CEP112: variants seen among roughly 807,000 people sequenced by gnomAD.
CEP112 encodes centrosomal protein 112, also known as centrosomal protein of 112 kDa.
In CEP112, 127 loss-of-function variants were observed where a neutral mutation model predicts 153.0. The observed-to-expected ratio is 0.83, with a 90% CI of 0.72 to 0.96. The LOEUF (loss-of-function observed/expected upper bound fraction) is 0.96, where lower values mean the gene tolerates loss of function less well. Among genes scored for constraint, CEP112 ranks in the 40% least tolerant of loss-of-function variants. The pLI is 0.00. For synonymous variants in CEP112, 358 were observed against 374.4 expected, an observed-to-expected ratio of 0.96 and a Z score of 0.51; for missense variants, 1,089 against 1,101.2, an observed-to-expected ratio of 0.99 and a Z score of 0.16.
chr17:66,159,240 G>C (rs577695710), intron 4 of CEP112, among the ~76,000 whole-genome samples: 154 of 152,270 alleles, frequency 1.0e-3, no homozygotes, highest in African/African-American at 3.5e-3. Context: ...CCCAGGTCCA[G>C]ATGGATTCAC....
intron 18 of CEP112, among the ~76,000 whole-genome samples, chr17:65,940,699 T>C (rs1269234524): frequency 1.3e-5 from 2 of 151,880 alleles, no homozygotes; most frequent in Non-Finnish European, 2.9e-5. Context: ...AACTCAGAAG[T>C]AGAGAGTACA....
chr17:65,971,209 G>T (rs959556933), intron 17 of CEP112, among the ~76,000 whole-genome samples: 3 of 152,006 alleles, frequency 2.0e-5, no homozygotes, highest in Non-Finnish European at 4.4e-5. Flanking sequence ...TTGCACGTAT[G>T]TATATCACAT....
intron 17 of CEP112, among the ~76,000 whole-genome samples, chr17:65,981,747 G>A (rs943328017): frequency 6.6e-6 from 1 of 152,012 alleles, no homozygotes; most frequent in Non-Finnish European, 1.5e-5. Flanking sequence ...GCTAATTTTT[G>A]TATTTTTAGT....
chr17:66,058,061 C>T (rs2066768795), intron 11 of CEP112, among the ~76,000 whole-genome samples: 1 of 150,940 alleles, frequency 6.6e-6, no homozygotes, highest in South Asian at 2.1e-4. Context: ...CCACTGCTCT[C>T]CAGCCTAGGT....
At chr17:66,122,720 G>A (rs1204695606) in intron 6 of CEP112, among the ~76,000 whole-genome samples, 4 of 152,074 alleles carry the variant, frequency 2.6e-5, no homozygotes, top group African/African-American at 4.8e-5. Flanking sequence ...ACAACACCCT[G>A]GGTCATAAAT....
chr17:65,918,911 C>T (rs1290047835), intron 19 of CEP112, among the ~76,000 whole-genome samples: 1 of 152,172 alleles, frequency 6.6e-6, no homozygotes, highest in African/African-American at 2.4e-5. Context: ...ACGGTGCTTT[C>T]TGTAAGAGAG....
intron 6 of CEP112, 44 bp downstream of exon 6, chr17:66,129,702 T>G (rs753368774): frequency 7.6e-7 from 1 of 1,309,230 alleles, no homozygotes; most frequent in Non-Finnish European, 1.1e-6. Context: ...TACAATATGA[T>G]TTTGACACAT....
chr17:66,010,239 T>C (rs1013051764), intron 16 of CEP112, among the ~76,000 whole-genome samples: 1 of 152,176 alleles, frequency 6.6e-6, no homozygotes, highest in Non-Finnish European at 1.5e-5. Flanking sequence ...TGGAACTGCA[T>C]TCTTGATTTG....
At chr17:65,741,723 T>C (rs562662593) in intron 23 of CEP112, among the ~76,000 whole-genome samples, 4 of 152,008 alleles carry the variant, frequency 2.6e-5, no homozygotes. Context: ...TATTACCTAC[T>C]ACTTGGTATT....
chr17:65,781,891 T>C (rs2054017019), intron 21 of CEP112, among the ~76,000 whole-genome samples: 1 of 152,042 alleles, frequency 6.6e-6, no homozygotes, highest in South Asian at 2.1e-4. Flanking sequence ...AAGACCTCCA[T>C]CTATAAGAAT....
At chr17:65,849,327 C>G (rs373175968) in intron 21 of CEP112, among the ~76,000 whole-genome samples, 1 of 152,196 alleles carries the variant, frequency 6.6e-6, no homozygotes, top group African/African-American at 2.4e-5. Context: ...TCCCCAAATT[C>G]ACACTGTCTT....
intron 1 of CEP112, among the ~76,000 whole-genome samples, chr17:66,184,219 A>G (rs1287531451): frequency 6.6e-6 from 1 of 152,210 alleles, no homozygotes; most frequent in Admixed American, 6.5e-5. Flanking sequence ...TGATCGCACC[A>G]CTAAACTCTA....
At chr17:66,031,306 TC>T in intron 12 of CEP112, among the ~76,000 whole-genome samples, 1 of 151,554 alleles carries the variant, frequency 6.6e-6, no homozygotes, top group Admixed American at 6.6e-5. Flanking sequence ...TGATTTGTAT[TC>T]CTTCGTCTCT....
intron 8 of CEP112, among the ~76,000 whole-genome samples, chr17:66,081,105 T>C (rs1202453748): frequency 6.6e-6 from 1 of 152,098 alleles, no homozygotes; most frequent in African/African-American, 2.4e-5. Flanking sequence ...GGCAAGTGTA[T>C]ACCTATGTAA....
intron 20 of CEP112, among the ~76,000 whole-genome samples, chr17:65,857,549 T>C (rs910210857): frequency 6.6e-6 from 1 of 152,226 alleles, no homozygotes; most frequent in Admixed American, 6.5e-5. Flanking sequence ...CAATGTTTAT[T>C]ATTTCAATGC....
intron 21 of CEP112, among the ~76,000 whole-genome samples, chr17:65,755,826 C>T (rs1264133887): frequency 6.6e-6 from 1 of 151,712 alleles, no homozygotes; most frequent in Non-Finnish European, 1.5e-5. Context: ...ACTTATTAAA[C>T]TTGGAGATGC....
chr17:66,169,093 T>G (rs1249944819), intron 4 of CEP112, among the ~76,000 whole-genome samples: 1 of 152,072 alleles, frequency 6.6e-6, no homozygotes, highest in Non-Finnish European at 1.5e-5. Context: ...TACTAGGATG[T>G]AAACTCAGGC....
At position 66,028,358 on chromosome 17, in the gene CEP112, T is replaced by C; in HGVS notation, c.1551A>G (p.Lys517=). The C allele has an allele frequency of 6.2e-7, 1 of 1,601,738 alleles. No individual in the cohort carries two copies. Among genetic ancestry groups the C allele is most frequent in the South Asian group, 1.1e-5 (1 of 89,706 alleles). Reference sequence around the variant, plus strand: ...GAAGTTCTGATTCCTGTAACTGCTGTTTTAATTGACAGACATTCTGCTCTA... The same window carrying C: ...GAAGTTCTGATTCCTGTAACTGCTGCTTTAATTGACAGACATTCTGCTCTA... The part of the protein sequence containing the change: ...EELEQNVCQL[K]QQLQESELQR... The change falls in exon 15 of 27, where the codon AAA becomes AAG. Residue 517 remains lysine, a synonymous_variant. Coordinates refer to ENST00000535342, the MANE Select transcript of CEP112 (RefSeq NM_001199165.4).
intron 24 of CEP112, among the ~76,000 whole-genome samples, chr17:65,676,148 C>T (rs2047224476): frequency 6.6e-6 from 1 of 152,076 alleles, no homozygotes. Context: ...ACCAGTGTGG[C>T]CAACATGGTG....
Sources: gnomAD v4.1 joint callset for allele counts (sites outside exome capture counted in the v4.1 genomes callset) on GRCh38, gnomAD v4.1.1 for gene constraint, MANE v1.5 for transcripts, NCBI Gene and HGNC (gene_info 2026-07-23, HGNC 2026-07-21) for gene names.